Variants in OFD1 observed in about 807,000 individuals in gnomAD.
The protein encoded by OFD1 is centriole and centriolar satellite protein OFD1.
In OFD1, 12 loss-of-function variants were observed where a neutral mutation model predicts 81.4. The observed-to-expected ratio is 0.15, with a 90% confidence interval of 0.09 to 0.24. OFD1 has a LOEUF of 0.24. OFD1 is among the 10% of genes least tolerant of loss of function. OFD1 has a pLI of 1.00. For synonymous variants in OFD1, 256 were observed against 263.7 expected (o/e 0.97, Z 0.28); for missense variants, 685 against 733.9 (o/e 0.93, Z 0.77).
rs769970172 is a variant in OFD1, at chrX:13,756,726, A to T, written c.1370A>T (p.Gln457Leu). 3.3e-6 allele frequency: 4 copies of T among 1,207,880 alleles called. No individual in the cohort carries two copies. The East Asian group carries it at 1.2e-4, about 36-fold the overall frequency. Residue 457 changes from glutamine to leucine, a missense_variant, in exon 13 of 23, where the codon CAA becomes CTA. Physicochemically the swap from Gln to Leu is moderately radical, Grantham distance 113. Around this residue, in one of 3 missense-constraint regions of OFD1, gnomAD observed 414 missense variants for 447.2 expected, o/e 0.93. Coordinates refer to ENST00000340096, the MANE Select transcript of OFD1 (RefSeq NM_003611.3). ...GCACAAAATAAATTACTTAAACAACAACTGGAAGAGAGTAGAAATGAAAAC... is the reference window on the plus strand; with the variant it reads ...GCACAAAATAAATTACTTAAACAACTACTGGAAGAGAGTAGAAATGAAAAC... ...LLAQNKLLKQ[Q>L]LEESRNENLR... is the part of the protein sequence containing the mutation.
intron 19 of OFD1, among the ~76,000 whole-genome samples, chrX:13,765,740 G>A (rs917001761): frequency 1.8e-5 from 2 of 111,781 alleles, no homozygotes; most frequent in Non-Finnish European, 3.8e-5. Context: ...CTGGGATTGG[G>A]GTCTAATTAA....
downstream of OFD1, chrX:13,773,310 CTT>C (rs11305581): frequency 0.027 from 3,454 of 129,629 alleles, no homozygotes; most frequent in East Asian, 0.084. Context: ...CGAGAGGGTG[CTT>C]TTTTTTTTTT....
At chrX:13,739,772 A>G (rs757377468) in intron 5 of OFD1, 1,086 of 732,725 alleles carry the variant, frequency 1.5e-3, no homozygotes, top group Non-Finnish European at 1.6e-3. Context: ...ATGTTTATAT[A>G]GACCTAATAA....
intron 12 of OFD1, 52 bp downstream of exon 12, chrX:13,755,294 A>G: frequency 1.1e-6 from 1 of 877,162 alleles, no homozygotes; most frequent in Non-Finnish European, 1.7e-6. Context: ...AATATATGAA[A>G]TTTTAGTCAT....
intron 13 of OFD1, among the ~76,000 whole-genome samples, chrX:13,757,128 C>T (rs748765476): frequency 8.0e-5 from 9 of 112,399 alleles, no homozygotes; most frequent in Non-Finnish European, 1.7e-4. Flanking sequence ...TCTGATTCCC[C>T]AGGCCCAAGG....
intron 11 of OFD1, 143 bp downstream of exon 11, chrX:13,753,584 A>G (rs2047585016): frequency 3.7e-6 from 2 of 536,598 alleles, no homozygotes; most frequent in African/African-American, 4.7e-5. Flanking sequence ...TGTAATTTTA[A>G]TTTTATAAAT....
At position 13,767,188 on chromosome X, in the gene OFD1, G is replaced by C; in HGVS notation, c.2661G>C (p.Val887=). The C allele has an allele frequency of 8.3e-7, 1 of 1,210,458 alleles. No individual in the cohort carries two copies. Among genetic ancestry groups the C allele is most frequent in the East Asian group, 3.0e-5 (1 of 33,851 alleles). ...KEEEKIREQQ[V]KERRQREERR... is the part of the protein sequence containing the mutation. ...AAGAAAAAATACGGGAACAGCAAGT[G>C]AAAGAACGAAGGCAGAGAGAAGAAA... The change falls in exon 20 of 23, where the codon GTG becomes GTC. Residue 887 remains valine, a synonymous_variant. Coordinates refer to ENST00000340096, the MANE Select transcript of OFD1 (RefSeq NM_003611.3).
At chrX:13,772,967 C>G (rs1223883770), downstream of OFD1, 1 of 1,208,911 alleles carries the variant, frequency 8.3e-7, no homozygotes, top group Non-Finnish European at 1.1e-6. Flanking sequence ...TCCTGGTAAG[C>G]CTGCATTTTG....
intron 19 of OFD1, among the ~76,000 whole-genome samples, chrX:13,766,763 G>A (rs767800496): frequency 9.0e-6 from 1 of 110,877 alleles, no homozygotes; most frequent in African/African-American, 3.3e-5. Flanking sequence ...CTCAGTCTGG[G>A]TCCTAAAGAT....
chrX:13,752,351 G>T (rs2047535365), intron 10 of OFD1, among the ~76,000 whole-genome samples: 1 of 112,320 alleles, frequency 8.9e-6, no homozygotes, highest in Admixed American at 9.4e-5. Flanking sequence ...AATATTTGTT[G>T]TAAATGTGTC....
At chrX:13,751,838 A>C (rs2047514180) in intron 10 of OFD1, among the ~76,000 whole-genome samples, 1 of 111,805 alleles carries the variant, frequency 8.9e-6, no homozygotes, top group African/African-American at 3.3e-5. Context: ...CCATCTCAAA[A>C]ATTAACAACA....
At chrX:13,753,107 A>T in intron 10 of OFD1, 1 of 975,251 alleles carries the variant, frequency 1.0e-6, no homozygotes, top group African/African-American at 2.0e-5. Flanking sequence ...TGCTTTCAGT[A>T]AGTAACCTTA....
At position 13,758,318 on chromosome X, in the gene OFD1, C is replaced by G. The variant is rs201761130; in HGVS notation, c.1543-19C>G. ...ATTTGTTTTACATTGATTTCTTTTC[C>G]TATTCTGAATCTTTTCAGATTGAGC... On this transcript the variant is annotated intron_variant, in intron 14 of 22. Coordinates refer to ENST00000340096, the MANE Select transcript of OFD1 (RefSeq NM_003611.3). 595 of 1,049,732 alleles carry G rather than the reference C, an allele frequency of 5.7e-4. No homozygotes were observed. Among genetic ancestry groups the G allele is most frequent in the Non-Finnish European group, 7.4e-4 (555 of 750,805 alleles). The allele number at this position is 1,049,732 out of a possible 1,213,427, so 86.5% of individuals were successfully genotyped here.
At chrX:13,759,114 T>C (rs1331099772) in intron 15 of OFD1, among the ~76,000 whole-genome samples, 1 of 112,011 alleles carries the variant, frequency 8.9e-6, no homozygotes, top group Non-Finnish European at 1.9e-5. Flanking sequence ...AGAAGGATAT[T>C]AAAGTTCAGA....
the OFD1 span, chrX:13,720,701 T>C: frequency 8.9e-6 from 1 of 111,895 alleles, no homozygotes; most frequent in South Asian, 3.7e-4. Flanking sequence ...AAGGAAGACA[T>C]TCTGAGGCAC....
chrX:13,740,676 C>G (rs926038396), intron 5 of OFD1, among the ~76,000 whole-genome samples: 1 of 108,551 alleles, frequency 9.2e-6, no homozygotes, highest in Non-Finnish European at 1.9e-5. Flanking sequence ...GCCTGTAATC[C>G]CAGCTACTTG....
At position 13,764,348 on chromosome X, in the gene OFD1, C is replaced by G. The variant is rs145768033; in HGVS notation, c.2599+493C>G. On this transcript the variant is annotated intron_variant, in intron 19 of 22. Transcript: ENST00000340096. ...GTCTTAAGAAATTAGGACAGAAAAA[C>G]TTCGTATTTCAATCTTTGGAAAAGC... is the stretch of plus-strand genomic sequence containing the variant. 3.6e-4 allele frequency among the ~76,000 whole-genome samples: 40 copies of G among 112,440 alleles called. 1 individual carries two copies. The East Asian group carries it at 0.011, about 30-fold the overall frequency.
upstream of OFD1, among the ~76,000 whole-genome samples, chrX:13,729,925 A>AC (rs1413685692): frequency 9.0e-6 from 1 of 111,396 alleles, no homozygotes; most frequent in African/African-American, 3.3e-5. Flanking sequence ...CAAAAAACAA[A>AC]CAAAAAAAAG....
At chrX:13,753,001 G>A (rs1181366656) in intron 10 of OFD1, 25 of 895,973 alleles carry the variant, frequency 2.8e-5, no homozygotes, top group Non-Finnish European at 3.0e-5. Flanking sequence ...GGAAGTGACC[G>A]TCTGATTATC....
Sources: gnomAD v4.1 joint callset for allele counts (sites outside exome capture counted in the v4.1 genomes callset) on GRCh38, gnomAD v4.1.1 for gene constraint, gnomAD v4.1.1 regional missense constraint, MANE v1.5 for transcripts, NCBI Gene and HGNC (gene_info 2026-07-23, HGNC 2026-07-21) for gene names.